The following AGAP1 variants were observed in gnomAD, a reference collection of about 807,000 sequenced individuals.
The protein encoded by AGAP1 is ArfGAP with GTPase domain, ankyrin repeat and PH domain 1, also known as arf-GAP with GTPase, ANK repeat and PH domain-containing protein 1.
In AGAP1, 29 loss-of-function variants were observed where a neutral mutation model predicts 105.3. The ratio of observed to expected loss-of-function variants is 0.28; its 90% CI spans 0.21 to 0.38. The LOEUF (loss-of-function observed/expected upper bound fraction) is 0.38, where lower values mean the gene tolerates loss of function less well. Among genes scored for constraint, AGAP1 ranks in the 10% least tolerant of loss-of-function variants. The probability of loss-of-function intolerance (pLI) is 1.00; values close to 1 mark genes in which losing one functional copy is unlikely to be tolerated. For missense variants in AGAP1, 998 were observed against 1,165.1 expected (o/e 0.86, Z 2.09); for synonymous variants, 509 against 485.9 (o/e 1.05, Z -0.63).
chr2:235,651,120 G>A (rs1327020192), intron 1 of AGAP1, among the ~76,000 whole-genome samples: 1 of 139,530 alleles, frequency 7.2e-6, no homozygotes, highest in South Asian at 2.6e-4. Flanking sequence ...GGCAGAGGTT[G>A]CAGTGAGTCA....
intron 2 of AGAP1, among the ~76,000 whole-genome samples, chr2:235,713,317 A>C (rs560768936): frequency 4.6e-5 from 7 of 152,342 alleles, no homozygotes; most frequent in African/African-American, 1.7e-4. Context: ...ATAGAGGCCC[A>C]GGGTAAAAAA....
rs1197625293 is a variant in AGAP1 at position 235,891,011 on chromosome 2, C to T, written c.1155+7562C>T. 6.7e-6 allele frequency among the ~76,000 whole-genome samples: 1 copy of T among 150,056 alleles called. No individual in the cohort carries two copies. Among genetic ancestry groups the T allele is most frequent in the Non-Finnish European group, 1.5e-5 (1 of 67,710 alleles). ...TGCTATTATTAAATGAAACCAAAAC[C>T]CAGTTGAGATAACAGATAGAAAACT... On this transcript the variant is annotated intron_variant, in intron 10 of 17. Coordinates refer to ENST00000304032, the MANE Select transcript of AGAP1 (RefSeq NM_001037131.3). This position sits in a 1 kb window ranked among gnomAD's most constrained non-coding sequence, Gnocchi z 4.2.
chr2:236,047,194 GT>G (rs1471589035), intron 15 of AGAP1, among the ~76,000 whole-genome samples: 7 of 152,334 alleles, frequency 4.6e-5, no homozygotes, highest in Non-Finnish European at 8.8e-5. Flanking sequence ...GGCCACAGGG[GT>G]CTTTTGGGTT....
intron 13 of AGAP1, among the ~76,000 whole-genome samples, chr2:235,990,909 CA>C (rs1281096471): frequency 6.6e-6 from 1 of 152,206 alleles, no homozygotes; most frequent in East Asian, 1.9e-4. Flanking sequence ...TTGGGACCAC[CA>C]GGGGTGGGGC....
chr2:236,074,539 A>G (rs550661291), intron 16 of AGAP1, among the ~76,000 whole-genome samples: 2 of 152,334 alleles, frequency 1.3e-5, no homozygotes, highest in Admixed American at 1.3e-4. Context: ...TGCTCTTACG[A>G]GATAATAGTC....
At chr2:236,094,923 C>CA (rs59126473) in intron 16 of AGAP1, among the ~76,000 whole-genome samples, 6,532 of 37,752 alleles carry the variant, frequency 0.17, 595 homozygotes, top group Non-Finnish European at 0.3. Flanking sequence ...CCCATCTCTA[C>CA]AAAAAAAAAA....
intron 10 of AGAP1, among the ~76,000 whole-genome samples, chr2:235,907,248 G>C (rs1304054435): frequency 6.6e-6 from 1 of 152,210 alleles, no homozygotes; most frequent in Non-Finnish European, 1.5e-5. Context: ...AAAGACAGCA[G>C]CCCACTTCTC....
Position 235,610,827 on chromosome 2 carries a change from C to T in AGAP1, c.164-98352C>T, listed in dbSNP as rs1170557538. Reference sequence around the variant, plus strand: ...CTGGTTCAGAAAACTCTTGCAGGTCCTACTTCCTGCCTTGACACCACCCCC... The same window carrying T: ...CTGGTTCAGAAAACTCTTGCAGGTCTTACTTCCTGCCTTGACACCACCCCC... On this transcript the variant is annotated intron_variant, in intron 1 of 17. Coordinates refer to ENST00000304032, the MANE Select transcript of AGAP1 (RefSeq NM_001037131.3). This position sits in a 1 kb window ranked among gnomAD's most constrained non-coding sequence, Gnocchi z 4.9. 6.6e-6 allele frequency among the ~76,000 whole-genome samples: 1 copy of T among 152,082 alleles called. No homozygotes were observed. The highest frequency in any genetic ancestry group is 6.5e-5 in the Admixed American group (1 of 15,276).
chr2:235,860,538 T>G (rs2048886357), intron 9 of AGAP1, among the ~76,000 whole-genome samples: 1 of 152,202 alleles, frequency 6.6e-6, no homozygotes, highest in Non-Finnish European at 1.5e-5. Context: ...TCCAGTATTG[T>G]CCTTGTGAAT....
At chr2:235,909,139 G>A (rs1159411166) in intron 11 of AGAP1, among the ~76,000 whole-genome samples, 2 of 152,188 alleles carry the variant, frequency 1.3e-5, no homozygotes, top group Non-Finnish European at 2.9e-5. Flanking sequence ...CATGCATCTA[G>A]GCCTTTCCAG....
Position 235,739,004 on chromosome 2 carries a change from T to C in AGAP1, c.311-1959T>C, listed in dbSNP as rs1952420724. 6.6e-6 allele frequency among the ~76,000 whole-genome samples: 1 copy of C among 152,234 alleles called. No individual in the cohort carries two copies. Among genetic ancestry groups the C allele is most frequent in the African/African-American group, 2.4e-5 (1 of 41,456 alleles). The stretch of plus-strand genomic sequence containing the variant: ...GACTTTTCTGTCGTAAGCAGGCTTA[T>C]TCAATGTTAAATACGACTTTTATTA... On this transcript the variant is annotated intron_variant, in intron 3 of 17. Transcript: ENST00000304032. This position sits in a 1 kb window ranked among gnomAD's most constrained non-coding sequence, Gnocchi z 5.3.
intron 10 of AGAP1, among the ~76,000 whole-genome samples, chr2:235,896,005 TACTGTTCAGTAGTATCATATAC>T (rs1467488820): frequency 1.3e-5 from 2 of 152,236 alleles, no homozygotes; most frequent in Admixed American, 1.3e-4. Flanking sequence ...ATTTTAAGTA[TACTGTTCAGTAGTATCATATAC>T]GTTCACGTTG....
At chr2:235,922,472 CT>C (rs1163434909) in intron 11 of AGAP1, among the ~76,000 whole-genome samples, 3 of 152,094 alleles carry the variant, frequency 2.0e-5, no homozygotes, top group Non-Finnish European at 4.4e-5. Flanking sequence ...TATTATTTTC[CT>C]AGTTAAATGC....
Position 235,942,244 on chromosome 2 carries a change from C to T in AGAP1, c.1483+11321C>T, listed in dbSNP as rs577828229. Among the ~76,000 whole-genome samples the T allele has an allele frequency of 2.0e-5, 3 of 152,302 alleles. No individual in the cohort carries two copies. The South Asian group carries it at 6.2e-4, about 32-fold the overall frequency. The stretch of plus-strand genomic sequence containing the variant: ...CTCACTGCAGACAACCCGCGATTCC[C>T]CTGGTTCCAGGAGTCCAGTAGCCAC... On this transcript the variant is annotated intron_variant, in intron 12 of 17. Transcript: ENST00000304032.
Position 235,898,401 on chromosome 2 carries a change from TA to T in AGAP1, c.1156-10325del, listed in dbSNP as rs879776596. Among the ~76,000 whole-genome samples the T allele has an allele frequency of 1.0e-2, 1,409 of 140,996 alleles. 11 individuals carry two copies. Among genetic ancestry groups the T allele is most frequent in the African/African-American group, 0.025 (962 of 38,496 alleles). The allele number at this position is 140,996 out of a possible 152,430, so 92.5% of individuals were successfully genotyped here. A position where few individuals can be genotyped will look rare whatever the true frequency, so the allele number is the denominator to read the frequency against. ...CTACCATATACATGCCTCCCCCATT[TA>T]AAAAAAAAAAAGGTGGGGGAAGAGA... On this transcript the variant is annotated intron_variant, in intron 10 of 17. Transcript: ENST00000304032.
intron 1 of AGAP1, among the ~76,000 whole-genome samples, chr2:235,686,625 A>C (rs1202209335): frequency 6.0e-5 from 2 of 33,182 alleles, no homozygotes; most frequent in Non-Finnish European, 1.2e-4. Flanking sequence ...ATATAGATAT[A>C]TATATATATA....
chr2:235,913,074 T>C (rs903729669), intron 11 of AGAP1, among the ~76,000 whole-genome samples: 2 of 152,208 alleles, frequency 1.3e-5, no homozygotes, highest in Admixed American at 6.5e-5. Flanking sequence ...TTAAATTTTA[T>C]GGTCTTCTTT....
At position 235,983,388 on chromosome 2, in the gene AGAP1, C is replaced by G. The variant is rs1034937793; in HGVS notation, c.1645+14765C>G. 6.6e-6 allele frequency among the ~76,000 whole-genome samples: 1 copy of G among 152,154 alleles called. No homozygotes were observed. Among genetic ancestry groups the G allele is most frequent in the Non-Finnish European group, 1.5e-5 (1 of 68,028 alleles). ...TCCCATCACTTTCTACATTCTGGCC[C>G]CTTTTTCTCCTTTCCTTCTTTCTCT... On this transcript the variant is annotated intron_variant, in intron 13 of 17. Transcript: ENST00000304032. The surrounding 1 kb of genome is among the most constrained non-coding windows in gnomAD (Gnocchi z 4.5).
chr2:235,552,739 G>T lies in AGAP1; in HGVS notation c.163+57890G>T, dbSNP rs7581943. On this transcript the variant is annotated intron_variant, in intron 1 of 17. Transcript: ENST00000304032. The surrounding 1 kb of genome is among the most constrained non-coding windows in gnomAD (Gnocchi z 5.9). ...AGGAGAGTTCAGAGAGGTGAAGAGTGAGGAGAGAGCAGTGGCCAAAGTGGA... is the reference window on the plus strand; with the variant it reads ...AGGAGAGTTCAGAGAGGTGAAGAGTTAGGAGAGAGCAGTGGCCAAAGTGGA... Among the ~76,000 whole-genome samples, 26,950 of 152,122 alleles carry T rather than the reference G, an allele frequency of 0.18. 2,968 individuals are homozygous for T. Among genetic ancestry groups the T allele is most frequent in the East Asian group, 0.3 (1,544 of 5,152 alleles).
Sources: allele counts gnomAD v4.1 joint callset (sites outside exome capture counted in the v4.1 genomes callset), GRCh38; gene constraint gnomAD v4.1.1; non-coding constraint Gnocchi (gnomAD v3.1); transcripts MANE v1.5; gene names NCBI Gene and HGNC (gene_info 2026-07-23, HGNC 2026-07-21).